Variants in MAN1A1 observed in about 807,000 individuals in gnomAD.
The protein encoded by MAN1A1 is mannosyl-oligosaccharide 1,2-alpha-mannosidase IA.
A neutral mutation model predicts 70.8 loss-of-function variants in MAN1A1; 29 were observed. The ratio of observed to expected loss-of-function variants is 0.41; its 90% CI spans 0.31 to 0.56. The LOEUF (loss-of-function observed/expected upper bound fraction) is 0.56, where lower values mean the gene tolerates loss of function less well. Ranked by LOEUF, MAN1A1 falls within the 20% of genes least tolerant of loss-of-function variation. The pLI is 0.29. For missense variants in MAN1A1, 747 were observed against 841.3 expected, an observed-to-expected ratio of 0.89 and a Z score of 1.39; for synonymous variants, 349 against 330.1, an observed-to-expected ratio of 1.06 and a Z score of -0.62.
At chr6:119,237,177 G>A (rs1774868255) in intron 6 of MAN1A1, among the ~76,000 whole-genome samples, 1 of 152,204 alleles carries the variant, frequency 6.6e-6, no homozygotes, top group South Asian at 2.1e-4. Flanking sequence ...GCACACTGTT[G>A]AAATGACAAC....
intron 10 of MAN1A1, among the ~76,000 whole-genome samples, chr6:119,188,882 A>G (rs1773363963): frequency 6.6e-6 from 1 of 152,206 alleles, no homozygotes; most frequent in Non-Finnish European, 1.5e-5. Context: ...AATAAAGATA[A>G]GAACAAAAAC....
chr6:119,192,815 C>T (rs1360745457), intron 9 of MAN1A1, among the ~76,000 whole-genome samples: 1 of 152,226 alleles, frequency 6.6e-6, no homozygotes, highest in East Asian at 1.9e-4. Flanking sequence ...CTGAAGAGTA[C>T]AAATATTTTA....
intron 11 of MAN1A1, among the ~76,000 whole-genome samples, chr6:119,181,451 G>GT (rs35283286): frequency 0.54 from 79,726 of 146,824 alleles, 23,275 homozygotes; most frequent in South Asian, 0.67. Context: ...TAAAATACAT[G>GT]TTTTTTTTTT....
intron 7 of MAN1A1, among the ~76,000 whole-genome samples, chr6:119,202,565 G>GTACA (rs1185773132): frequency 7.9e-5 from 12 of 152,092 alleles, no homozygotes; most frequent in Admixed American, 4.6e-4. Context: ...ATTATGTACT[G>GTACA]TACATAATTA....
At chr6:119,183,484 A>G (rs1251930660) in intron 11 of MAN1A1, among the ~76,000 whole-genome samples, 1 of 152,218 alleles carries the variant, frequency 6.6e-6, no homozygotes, top group Non-Finnish European at 1.5e-5. Context: ...GAAAAAAATC[A>G]GAATTTAGAA....
At position 119,188,486 on chromosome 6, in the gene MAN1A1, T is replaced by C. The variant is rs751870302; in HGVS notation, c.1638A>G (p.Pro546=). Residue 546 remains proline (P), a synonymous_variant, in exon 11 of 13, where the codon CCA becomes CCG. Coordinates refer to ENST00000368468, the MANE Select transcript of MAN1A1 (RefSeq NM_005907.4). ...RQNEKYYILR[P]EVMETYMYMW... is the part of the protein sequence containing the mutation. ...TATACATGTAAGTCTCCATAACTTC[T>C]GGCCGTAAGATGTAGTATTTTTCAT... The C allele has an allele frequency of 5.2e-5, 84 of 1,613,952 alleles. No homozygotes were observed. The highest frequency in any genetic ancestry group is 7.0e-5 in the Non-Finnish European group (83 of 1,179,926).
intron 6 of MAN1A1, among the ~76,000 whole-genome samples, chr6:119,236,971 G>A (rs1351332377): frequency 6.6e-6 from 1 of 152,178 alleles, no homozygotes; most frequent in Non-Finnish European, 1.5e-5. Context: ...GGATGACTTT[G>A]AGGGGTTCAA....
rs115214234 is a variant in MAN1A1, at chr6:119,182,420, C to T, written c.1720-1993G>A. On this transcript the variant is annotated intron_variant, in intron 11 of 12. Transcript: ENST00000368468. ...TGTTTTTGGGTCGAATCCAAAAAATCATTGCCAAGCTCAATGTCAAGGAGC... is the reference window on the plus strand; with the variant it reads ...TGTTTTTGGGTCGAATCCAAAAAATTATTGCCAAGCTCAATGTCAAGGAGC... Among the ~76,000 whole-genome samples the T allele has an allele frequency of 3.3e-3, 507 of 152,002 alleles. 5 individuals carry two copies. Among genetic ancestry groups the T allele is most frequent in the African/African-American group, 0.012 (495 of 41,512 alleles).
chr6:119,301,659 C>T (rs556897643), intron 4 of MAN1A1, among the ~76,000 whole-genome samples: 38 of 152,174 alleles, frequency 2.5e-4, no homozygotes, highest in Non-Finnish European at 5.3e-4. Context: ...GAGTAAGCCT[C>T]TGAGGTTAAG....
rs1041744751 is a variant in MAN1A1, at chr6:119,178,432, T to C, written c.*1387A>G. On this transcript the variant is annotated 3_prime_UTR_variant, in exon 13 of 13. Transcript: ENST00000368468. ...GTCAAAGTCCTTGCCCTTCAGTATA[T>C]GCATCGTATTAGCCCTTTCATGGAA... 1 of 152,128 alleles carries C rather than the reference T, an allele frequency of 6.6e-6. No individual in the cohort carries two copies. Among genetic ancestry groups the C allele is most frequent in the Non-Finnish European group, 1.5e-5 (1 of 67,966 alleles). 9.4% of individuals were successfully genotyped at this position (152,128 alleles called of 1,614,324 possible).
intron 11 of MAN1A1, among the ~76,000 whole-genome samples, chr6:119,183,824 G>C (rs904010476): frequency 6.6e-6 from 1 of 152,046 alleles, no homozygotes; most frequent in African/African-American, 2.4e-5. Flanking sequence ...CCAACTTCCA[G>C]CTTGAGACCC....
intron 8 of MAN1A1, among the ~76,000 whole-genome samples, chr6:119,196,535 T>A (rs914308047): frequency 1.3e-5 from 2 of 152,130 alleles, no homozygotes; most frequent in African/African-American, 4.8e-5. Flanking sequence ...AATATGGTAT[T>A]TTTATGTCCA....
intron 2 of MAN1A1, among the ~76,000 whole-genome samples, chr6:119,342,602 C>T (rs1255755323): frequency 6.6e-6 from 1 of 152,156 alleles, no homozygotes; most frequent in African/African-American, 2.4e-5. Flanking sequence ...TATCTGAGTC[C>T]AGATCCACCC....
At chr6:119,193,399 G>A (rs1773490320) in intron 9 of MAN1A1, among the ~76,000 whole-genome samples, 1 of 151,508 alleles carries the variant, frequency 6.6e-6, no homozygotes, top group South Asian at 2.1e-4. Flanking sequence ...TCACATGGAG[G>A]TAGCCATTGG....
In MAN1A1 at chr6:119,203,070, A is replaced by G. The variant is rs141336187; in HGVS notation, c.1116+1689T>C. On this transcript the variant is annotated intron_variant, in intron 7 of 12. Transcript: ENST00000368468. Reference sequence around the variant, plus strand: ...CACACTGGGACAGTTCTCGTCATCTACAAGCCCAGGGAAGAGGCTCAGAAT... The same window carrying G: ...CACACTGGGACAGTTCTCGTCATCTGCAAGCCCAGGGAAGAGGCTCAGAAT... Among the ~76,000 whole-genome samples the G allele has an allele frequency of 2.0e-5, 3 of 152,292 alleles. No individual in the cohort carries two copies. The East Asian group carries it at 5.8e-4, about 29-fold the overall frequency.
At chr6:119,187,904 T>G (rs1381077627) in intron 11 of MAN1A1, among the ~76,000 whole-genome samples, 3 of 152,200 alleles carry the variant, frequency 2.0e-5, no homozygotes, top group African/African-American at 7.2e-5. Flanking sequence ...CTTATAGATA[T>G]TCCAAGAAAC....
At chr6:119,279,371 G>T (rs535815284) in intron 5 of MAN1A1, among the ~76,000 whole-genome samples, 81 of 152,206 alleles carry the variant, frequency 5.3e-4, no homozygotes, top group African/African-American at 1.9e-3. Flanking sequence ...TTCTCTCTGT[G>T]TTACCTGGCT....
At chr6:119,305,473 T>C (rs1396490480) in intron 3 of MAN1A1, among the ~76,000 whole-genome samples, 1 of 125,638 alleles carries the variant, frequency 8.0e-6, no homozygotes, top group Non-Finnish European at 1.8e-5. Flanking sequence ...CCCTTACCCA[T>C]GTTAACTGGT....
chr6:119,249,968 G>C (rs539985126), intron 5 of MAN1A1, among the ~76,000 whole-genome samples: 2 of 152,218 alleles, frequency 1.3e-5, no homozygotes, highest in South Asian at 4.2e-4. Context: ...AAATACATTT[G>C]TAGTATATAG....
Sources: allele counts gnomAD v4.1 joint callset (sites outside exome capture counted in the v4.1 genomes callset), GRCh38; gene constraint gnomAD v4.1.1; transcripts MANE v1.5; gene names NCBI Gene and HGNC (gene_info 2026-07-23, HGNC 2026-07-21).